TRIM33: variants seen among roughly 807,000 people sequenced by gnomAD.
The protein encoded by TRIM33 is tripartite motif containing 33.
TRIM33 carries 20 observed loss-of-function variants against 125.4 expected under a neutral mutation model. That is an observed-to-expected ratio of 0.16 (90% CI 0.11 to 0.23). The LOEUF (loss-of-function observed/expected upper bound fraction) is 0.23. Ranked by LOEUF, TRIM33 falls within the 10% of genes least tolerant of loss-of-function variation. The pLI, the probability that TRIM33 is intolerant of heterozygous loss-of-function variation, is 1.00. For synonymous variants in TRIM33, 564 were observed against 513.9 expected (o/e 1.10, Z -1.32); for missense variants, 920 against 1,411.4 (o/e 0.65, Z 5.58).
chr1:114,425,756 A>C (rs1364527740), intron 8 of TRIM33, 33 bp from the exon 9 acceptor site: 2 of 1,448,158 alleles, frequency 1.4e-6, no homozygotes, highest in African/African-American at 1.4e-5. Flanking sequence ...ATTTGCATAT[A>C]ATCAACTAAA....
chr1:114,404,281 G>GT (rs1038850266), intron 15 of TRIM33: 17 of 151,422 alleles, frequency 1.1e-4, no homozygotes, highest in African/African-American at 4.1e-4. Context: ...ACTACAAGGT[G>GT]TGTGCCACCA....
chr1:114,481,109 G>A (rs1054502697), intron 1 of TRIM33, among the ~76,000 whole-genome samples: 1 of 151,916 alleles, frequency 6.6e-6, no homozygotes, highest in African/African-American at 2.4e-5. Context: ...GGAGACGGAG[G>A]TTGCAATGAG....
chr1:114,479,307 A>C (rs1570630778), intron 1 of TRIM33, among the ~76,000 whole-genome samples: 2 of 152,322 alleles, frequency 1.3e-5, no homozygotes, highest in East Asian at 3.9e-4. Context: ...CTGCAGATTC[A>C]AAAAGGGGAG....
chr1:114,406,396 A>C (rs1169178818), intron 14 of TRIM33, among the ~76,000 whole-genome samples: 1 of 152,232 alleles, frequency 6.6e-6, no homozygotes, highest in Admixed American at 6.5e-5. Context: ...AGAAAGAGAA[A>C]ACAAAAATCA....
At chr1:114,506,661 T>C (rs1653022981) in intron 1 of TRIM33, among the ~76,000 whole-genome samples, 1 of 152,152 alleles carries the variant, frequency 6.6e-6, no homozygotes, top group African/African-American at 2.4e-5. Context: ...TGATAAAGTA[T>C]AAATGTATAT....
At chr1:114,439,450 CAG>C (rs1457008559) in intron 4 of TRIM33, among the ~76,000 whole-genome samples, 1 of 111,934 alleles carries the variant, frequency 8.9e-6, no homozygotes, top group African/African-American at 3.6e-5. Flanking sequence ...GCCTGGGCGA[CAG>C]AGAGAGACTC....
chr1:114,491,351 A>G (rs1048661068), intron 1 of TRIM33, among the ~76,000 whole-genome samples: 7 of 152,228 alleles, frequency 4.6e-5, no homozygotes, highest in Admixed American at 4.6e-4. Flanking sequence ...TATATTCTAT[A>G]CAGTTGCTGC....
intron 1 of TRIM33, chr1:114,468,639 G>C (rs569023352): frequency 6.0e-5 from 25 of 419,364 alleles, no homozygotes; most frequent in South Asian, 4.5e-4. Flanking sequence ...AAATATTCAA[G>C]AACCAGCTGA....
At position 114,464,310 on chromosome 1, in the gene TRIM33, G is replaced by A. The variant is rs374423167; in HGVS notation, c.605C>T (p.Thr202Ile). ...DLVDNYFVKD[T>I]SEAPSSSDEK... ...ATCAGAACTGCTAGGAGCTTCAGAT[G>A]TGTCTTTCACAAAATAATTATCCAC... The change falls in exon 2 of 20, where the codon ACA becomes ATA. Residue 202 changes from threonine to isoleucine, a missense_variant. Coordinates refer to ENST00000358465, the MANE Select transcript of TRIM33 (RefSeq NM_015906.4). 3.7e-6 allele frequency: 6 copies of A among 1,611,318 alleles called. No homozygotes were observed. Among genetic ancestry groups the A allele is most frequent in the Non-Finnish European group, 5.1e-6 (6 of 1,178,900 alleles).
chr1:114,428,696 G>T (rs906478333), intron 6 of TRIM33, among the ~76,000 whole-genome samples: 4 of 152,184 alleles, frequency 2.6e-5, no homozygotes, highest in African/African-American at 9.7e-5. Flanking sequence ...TCAACTGAGA[G>T]AAGTATGGTT....
chr1:114,402,335 AGTCCAGATGAGAAATTATGAT>A (rs1651948862), intron 16 of TRIM33, among the ~76,000 whole-genome samples: 1 of 152,222 alleles, frequency 6.6e-6, no homozygotes, highest in Non-Finnish European at 1.5e-5. Context: ...TCACTACAAT[AGTCCAGATGAGAAATTATGAT>A]GTAAGGTAAG....
intron 1 of TRIM33, among the ~76,000 whole-genome samples, chr1:114,486,351 T>C (rs1170723829): frequency 1.4e-5 from 2 of 148,136 alleles, no homozygotes; most frequent in African/African-American, 2.5e-5. Flanking sequence ...AAAAGACCAA[T>C]GGAAATTATA....
chr1:114,431,580 G>A (rs1647951866), intron 5 of TRIM33, among the ~76,000 whole-genome samples: 1 of 152,106 alleles, frequency 6.6e-6, no homozygotes, highest in Non-Finnish European at 1.5e-5. Context: ...AACAGGAAGT[G>A]GATAATCCCA....
intron 1 of TRIM33, among the ~76,000 whole-genome samples, chr1:114,466,550 C>T (rs938094448): frequency 5.3e-5 from 8 of 152,164 alleles, no homozygotes; most frequent in Non-Finnish European, 1.0e-4. Context: ...TCTGGGTGCA[C>T]TGGTGTCCAA....
intron 1 of TRIM33, among the ~76,000 whole-genome samples, chr1:114,472,760 G>A (rs1334185554): frequency 6.6e-6 from 1 of 152,014 alleles, no homozygotes; most frequent in African/African-American, 2.4e-5. Flanking sequence ...ACAGAGGAAG[G>A]CCTTTGTGGC....
At chr1:114,478,811 G>A (rs1651127561) in intron 1 of TRIM33, among the ~76,000 whole-genome samples, 1 of 152,204 alleles carries the variant, frequency 6.6e-6, no homozygotes, top group African/African-American at 2.4e-5. Context: ...ACTTTGGGAG[G>A]CCAAGGTAGG....
At chr1:114,458,309 G>A (rs1414280636) in intron 4 of TRIM33, among the ~76,000 whole-genome samples, 1 of 152,140 alleles carries the variant, frequency 6.6e-6, no homozygotes, top group Non-Finnish European at 1.5e-5. Flanking sequence ...TCACTAGCAA[G>A]TGGTCACAAG....
rs1269023717 is a variant in TRIM33, at chr1:114,486,598, T to C, written c.527-22210A>G. ...AACCAAAAATTTAAAACTCAATAAA[T>C]GGGCTCAATAGACAAGAGAAGATAA... On this transcript the variant is annotated intron_variant, in intron 1 of 19. Coordinates refer to ENST00000358465, the MANE Select transcript of TRIM33 (RefSeq NM_015906.4). 4.9e-5 allele frequency among the ~76,000 whole-genome samples: 6 copies of C among 122,848 alleles called. No individual in the cohort carries two copies. The Middle Eastern group carries it at 0.015, about 317-fold the overall frequency. The allele number at this position is 122,848 out of a possible 152,430, so 80.6% of individuals were successfully genotyped here. A position where few individuals can be genotyped will look rare whatever the true frequency, so the allele number is the denominator to read the frequency against.
intron 4 of TRIM33, among the ~76,000 whole-genome samples, chr1:114,455,694 G>A (rs561891619): frequency 6.6e-6 from 1 of 152,176 alleles, no homozygotes; most frequent in African/African-American, 2.4e-5. Flanking sequence ...GCATTACCAT[G>A]GGACTGGATA....
Sources: allele counts gnomAD v4.1 joint callset (sites outside exome capture counted in the v4.1 genomes callset), GRCh38; gene constraint gnomAD v4.1.1; transcripts MANE v1.5; gene names NCBI Gene and HGNC (gene_info 2026-07-23, HGNC 2026-07-21).